The following F8 variants were observed in gnomAD, a reference collection of about 807,000 sequenced individuals.
F8 encodes the protein coagulation factor VIII.
A neutral mutation model predicts 140.6 loss-of-function variants in F8; 12 were observed. The ratio of observed to expected loss-of-function variants is 0.09; its 90% CI spans 0.05 to 0.14. The LOEUF is 0.14. Ranked by LOEUF, F8 falls within the 10% of genes least tolerant of loss-of-function variation. F8 has a pLI of 1.00. For missense variants in F8, 1,354 were observed against 1,720.7 expected, an observed-to-expected ratio of 0.79 and a Z score of 3.77; for synonymous variants, 585 against 614.6, an observed-to-expected ratio of 0.95 and a Z score of 0.71.
chrX:154,958,590 G>A (rs782062399), intron 10 of F8, among the ~76,000 whole-genome samples: 8 of 111,331 alleles, frequency 7.2e-5, no homozygotes, highest in African/African-American at 2.6e-4. Flanking sequence ...AATTCTTATC[G>A]GCAATAATGA....
rs1184930129 is a variant in F8, at chrX:154,972,707, C to CTTTTTTTTTTTTTTTTT, written c.788-3172_788-3156dup. Among the ~76,000 whole-genome samples the CTTTTTTTTTTTTTTTTT allele has an allele frequency of 2.4e-4, 13 of 55,281 alleles. 1 individual carries two copies. Among genetic ancestry groups the CTTTTTTTTTTTTTTTTT allele is most frequent in the Admixed American group, 6.8e-4 (3 of 4,387 alleles). The allele number at this position is 55,281 out of a possible 115,157, so 48.0% of individuals were successfully genotyped here. On this transcript the variant is annotated intron_variant, in intron 6 of 25. Transcript: ENST00000360256. ...GTTCTTTTCTTTTCTTTCTGTCTTT[C>CTTTTTTTTTTTTTTTTT]TTTTTTTTTTTTTTTTTTTTTTTTT...
At chrX:154,981,321 T>C (rs2073519052) in intron 6 of F8, among the ~76,000 whole-genome samples, 3 of 110,519 alleles carry the variant, frequency 2.7e-5, no homozygotes, top group Non-Finnish European at 5.7e-5. Context: ...AGTTGTTACC[T>C]TGATGTTTCT....
intron 22 of F8, among the ~76,000 whole-genome samples, chrX:154,867,742 G>C (rs1355876847): frequency 3.2e-5 from 3 of 92,357 alleles, no homozygotes; most frequent in South Asian, 5.0e-4. Context: ...AGAAAAGAAA[G>C]AAAACTACAG....
At chrX:154,871,085 A>G (rs2072770630) in intron 22 of F8, among the ~76,000 whole-genome samples, 1 of 112,500 alleles carries the variant, frequency 8.9e-6, no homozygotes, top group Non-Finnish European at 1.9e-5. Context: ...ATGCTCATGG[A>G]TAGGAAGAAT....
Position 154,904,904 on chromosome X carries a change from G to A in F8, c.5493C>T (p.Thr1831=), listed in dbSNP as rs1603432997. The change falls in exon 16 of 26, where the codon ACC becomes ACT. Residue 1831 remains threonine (T), a synonymous_variant. Transcript: ENST00000360256. ...PRKNFVKPNE[T]KTYFWKVQHH... is the part of the protein sequence containing the mutation. Reference sequence around the variant, plus strand: ...GTTGCACTTTCCAAAAGTAAGTTTTGGTTTCATTAGGCTTGACAAAGTTTT... The same window carrying A: ...GTTGCACTTTCCAAAAGTAAGTTTTAGTTTCATTAGGCTTGACAAAGTTTT... 8.3e-7 allele frequency: 1 copy of A among 1,207,821 alleles called. No homozygotes were observed. The highest frequency in any genetic ancestry group is 1.8e-5 in the African/African-American group (1 of 56,852).
chrX:154,860,272 T>A (rs895445033), intron 25 of F8, among the ~76,000 whole-genome samples, 160 bp downstream of exon 25: 2 of 112,169 alleles, frequency 1.8e-5, no homozygotes, highest in East Asian at 5.6e-4. Flanking sequence ...AGTCACTGTG[T>A]TCTCTCAGAA....
chrX:155,002,297 ATGG>A (rs1394958047), intron 1 of F8, among the ~76,000 whole-genome samples: 1 of 112,367 alleles, frequency 8.9e-6, no homozygotes, highest in Non-Finnish European at 1.9e-5. Flanking sequence ...CATGGATATG[ATGG>A]TTAATTTTAT....
intron 22 of F8, among the ~76,000 whole-genome samples, chrX:154,879,648 G>A (rs978801490): frequency 1.8e-5 from 2 of 111,844 alleles, no homozygotes; most frequent in Admixed American, 9.5e-5. Context: ...TATGATGATT[G>A]GTAGGTTAGC....
intron 1 of F8, among the ~76,000 whole-genome samples, chrX:155,021,247 T>C (rs781925197): frequency 1.8e-5 from 2 of 111,351 alleles, no homozygotes; most frequent in African/African-American, 6.5e-5. Flanking sequence ...TGTGAATATA[T>C]ATTATCATAC....
At chrX:154,975,251 C>T (rs2073478897) in intron 6 of F8, among the ~76,000 whole-genome samples, 1 of 111,024 alleles carries the variant, frequency 9.0e-6, no homozygotes, top group South Asian at 3.8e-4. Context: ...TTTGCTGTAT[C>T]CCATAAGTTT....
At chrX:154,986,968 A>G (rs1167111618) in intron 5 of F8, among the ~76,000 whole-genome samples, 1 of 111,716 alleles carries the variant, frequency 9.0e-6, no homozygotes, top group Non-Finnish European at 1.9e-5. Context: ...AAGATAAGAG[A>G]AAGTATTTAG....
intron 25 of F8, among the ~76,000 whole-genome samples, chrX:154,849,149 T>C (rs2072594733): frequency 1.8e-5 from 2 of 108,512 alleles, no homozygotes; most frequent in Admixed American, 2.0e-4. Flanking sequence ...AATTTTTGTA[T>C]TTTTTTTTAG....
chrX:154,924,716 G>A (rs2073150802), intron 14 of F8, among the ~76,000 whole-genome samples: 1 of 112,244 alleles, frequency 8.9e-6, no homozygotes, highest in Admixed American at 9.4e-5. Context: ...AGGCATCCAG[G>A]TGTTTTCATA....
intron 7 of F8, among the ~76,000 whole-genome samples, chrX:154,968,404 G>A (rs187306011): frequency 2.4e-4 from 27 of 111,408 alleles, no homozygotes; most frequent in African/African-American, 7.5e-4. Context: ...ATAAATTTCT[G>A]TCCATTATAA....
At chrX:154,862,591 C>T (rs1013824870) in intron 23 of F8, among the ~76,000 whole-genome samples, 9 of 110,692 alleles carry the variant, frequency 8.1e-5, no homozygotes, top group Admixed American at 6.7e-4. Context: ...ATCATTGTGT[C>T]CATGTGCATT....
At chrX:154,971,602 C>A (rs1363105775) in intron 6 of F8, among the ~76,000 whole-genome samples, 1 of 111,139 alleles carries the variant, frequency 9.0e-6, no homozygotes, top group Non-Finnish European at 1.9e-5. Context: ...GCTATTGTCA[C>A]CCTACTGTGC....
intron 22 of F8, 108 bp downstream of exon 22, chrX:154,895,969 T>C (rs2072976660): frequency 1.2e-6 from 1 of 807,456 alleles, no homozygotes; most frequent in Non-Finnish European, 1.9e-6. Flanking sequence ...TGAAAAATTA[T>C]TTTTTGGAAT....
intron 9 of F8, 84 bp downstream of exon 9, chrX:154,965,886 G>A: frequency 1.1e-6 from 1 of 925,882 alleles, no homozygotes; most frequent in Non-Finnish European, 1.6e-6. Flanking sequence ...TTGGAGACAA[G>A]GCTGAATTAT....
intron 22 of F8, among the ~76,000 whole-genome samples, chrX:154,878,333 T>G (rs1266985546): frequency 9.7e-6 from 1 of 103,523 alleles, no homozygotes; most frequent in East Asian, 3.0e-4. Flanking sequence ...CCCAGTCAAC[T>G]CCACATTAAT....
Sources: allele counts gnomAD v4.1 joint callset (sites outside exome capture counted in the v4.1 genomes callset), GRCh38; gene constraint gnomAD v4.1.1; transcripts MANE v1.5; gene names NCBI Gene and HGNC (gene_info 2026-07-23, HGNC 2026-07-21).